The following GALNT17 variants were observed in gnomAD, a reference collection of about 807,000 sequenced individuals.
GALNT17 encodes the protein UDP-GalNAc:polypeptide N-acetylgalactosaminyltransferase-like 3.
In GALNT17, 29 loss-of-function variants were observed where a neutral mutation model predicts 63.7. That is an observed-to-expected ratio of 0.46 (90% CI 0.34 to 0.62). The LOEUF (loss-of-function observed/expected upper bound fraction) is 0.62, where lower values mean the gene tolerates loss of function less well. Among genes scored for constraint, GALNT17 ranks in the 20% least tolerant of loss-of-function variants. The pLI is 0.01. For missense variants in GALNT17, 603 were observed against 799.6 expected (o/e 0.75, Z 2.97); for synonymous variants, 305 against 318.3 (o/e 0.96, Z 0.45).
chr7:71,162,139 T>TCCTCCCTCCCTC lies in GALNT17; in HGVS notation c.238+29102_238+29103insCCCTCCCTCCCT, dbSNP rs1562875762. On this transcript the variant is annotated intron_variant, in intron 1 of 10. Coordinates refer to ENST00000333538, the MANE Select transcript of GALNT17 (RefSeq NM_022479.3). ...TCCCTCCCTCCCTTCCTTCCTTCCT[T>TCCTCCCTCCCTC]CCTTCCTTCCTTCCTTCCTTCCTTC... Among the ~76,000 whole-genome samples the TCCTCCCTCCCTC allele has an allele frequency of 3.2e-3, 426 of 131,374 alleles. 17 individuals are homozygous for TCCTCCCTCCCTC. Among genetic ancestry groups the TCCTCCCTCCCTC allele is most frequent in the African/African-American group, 0.012 (408 of 32,942 alleles). 86.2% of individuals were successfully genotyped at this position (131,374 alleles called of 152,430 possible). A position where few individuals can be genotyped will look rare whatever the true frequency, so the allele number is the denominator to read the frequency against.
At chr7:71,626,617 A>C (rs1790380410) in intron 6 of GALNT17, among the ~76,000 whole-genome samples, 1 of 152,360 alleles carries the variant, frequency 6.6e-6, no homozygotes, top group South Asian at 2.1e-4. Context: ...TTCTTCTGGA[A>C]GAATACACCA....
intron 1 of GALNT17, among the ~76,000 whole-genome samples, chr7:71,198,197 C>CAAA (rs755388218): frequency 6.5e-5 from 5 of 77,062 alleles, no homozygotes; most frequent in Admixed American, 2.8e-4. Context: ...GACTCTGTCT[C>CAAA]AAAAAAAAAA....
chr7:71,608,473 A>C (rs1248324488), intron 6 of GALNT17, among the ~76,000 whole-genome samples: 2 of 152,158 alleles, frequency 1.3e-5, no homozygotes, highest in African/African-American at 4.8e-5. Context: ...AATAAAATGA[A>C]AAGTGTTACA....
chr7:71,276,645 A>G (rs1790687129), intron 1 of GALNT17, among the ~76,000 whole-genome samples: 1 of 152,104 alleles, frequency 6.6e-6, no homozygotes, highest in Non-Finnish European at 1.5e-5. Flanking sequence ...TTCTTCCATG[A>G]TTGTGAGGCC....
At chr7:71,320,693 G>C (rs2116000129) in intron 1 of GALNT17, among the ~76,000 whole-genome samples, 1 of 152,286 alleles carries the variant, frequency 6.6e-6, no homozygotes, top group South Asian at 2.1e-4. Context: ...TATTGTTTCA[G>C]ATTCTATAAA....
chr7:71,560,716 C>A (rs1466066776), intron 5 of GALNT17, among the ~76,000 whole-genome samples: 3 of 152,120 alleles, frequency 2.0e-5, no homozygotes, highest in Admixed American at 2.0e-4. Flanking sequence ...GGAGGTCTGT[C>A]AGGAGGCGGT....
intron 5 of GALNT17, among the ~76,000 whole-genome samples, chr7:71,541,947 A>G (rs1788899967): frequency 6.6e-6 from 1 of 152,226 alleles, no homozygotes; most frequent in South Asian, 2.1e-4. Context: ...TTTAAGCAGA[A>G]CAGTTGCTGA....
intron 9 of GALNT17, among the ~76,000 whole-genome samples, chr7:71,700,893 C>A (rs557385034): frequency 6.6e-6 from 1 of 152,318 alleles, no homozygotes; most frequent in South Asian, 2.1e-4. Flanking sequence ...CGAAAGCAAG[C>A]ACTGTGTCAT....
chr7:71,656,191 G>A (rs1246244297), intron 6 of GALNT17, among the ~76,000 whole-genome samples: 1 of 152,198 alleles, frequency 6.6e-6, no homozygotes, highest in Non-Finnish European at 1.5e-5. Context: ...GCCTAGTAAA[G>A]AAGGGAGAAA....
Position 71,359,591 on chromosome 7 carries a change from A to ATT in GALNT17, c.422+23871_422+23872dup, listed in dbSNP as rs34744394. Among the ~76,000 whole-genome samples, 45 of 146,238 alleles carry ATT rather than the reference A, an allele frequency of 3.1e-4. No homozygotes were observed. In the Middle Eastern group the frequency reaches 0.011, roughly 35 times the overall value. On this transcript the variant is annotated intron_variant, in intron 2 of 10. Transcript: ENST00000333538. ...GCATATAACTACTGCAGTGGGTATA[A>ATT]TTTTTTTTTTTTTTAGACAGATCTT...
At chr7:71,581,447 A>G (rs1789633700) in intron 6 of GALNT17, among the ~76,000 whole-genome samples, 1 of 152,164 alleles carries the variant, frequency 6.6e-6, no homozygotes, top group Non-Finnish European at 1.5e-5. Context: ...GCTGTGAGCC[A>G]CTGCGCCCGG....
At chr7:71,570,042 G>A (rs1003614035) in intron 5 of GALNT17, among the ~76,000 whole-genome samples, 8 of 151,138 alleles carry the variant, frequency 5.3e-5, no homozygotes, top group African/African-American at 1.5e-4. Context: ...CCAACATCTG[G>A]TGGGTTTTGT....
chr7:71,227,410 G>T (rs1471821693), intron 1 of GALNT17, among the ~76,000 whole-genome samples: 1 of 151,834 alleles, frequency 6.6e-6, no homozygotes, highest in Non-Finnish European at 1.5e-5. Flanking sequence ...GAACCCAGAG[G>T]TTGAGATGTG....
chr7:71,615,875 G>A lies in GALNT17; in HGVS notation c.1080+44473G>A, dbSNP rs896764982. 4.6e-5 allele frequency among the ~76,000 whole-genome samples: 7 copies of A among 152,090 alleles called. No individual in the cohort carries two copies. In the South Asian group the frequency reaches 6.2e-4, roughly 14 times the overall value. On this transcript the variant is annotated intron_variant, in intron 6 of 10. Transcript: ENST00000333538. ...ATGAGAAGAGGCTTAGCCTCCACTC[G>A]GCTTGACAGGAGGAAAGGAAGGAGC...
intron 6 of GALNT17, among the ~76,000 whole-genome samples, chr7:71,579,847 T>C (rs976286614): frequency 6.6e-6 from 1 of 151,082 alleles, no homozygotes; most frequent in African/African-American, 2.4e-5. Flanking sequence ...GGTAGACAAA[T>C]AGATAGGTAG....
Position 71,581,037 on chromosome 7 carries a change from A to G in GALNT17, c.1080+9635A>G, listed in dbSNP as rs369097481. The stretch of plus-strand genomic sequence containing the variant: ...ACAGTTAATTGATTCACAGTTGTGC[A>G]TGGCTGGGGAGGCCTCAGGAAACGT... On this transcript the variant is annotated intron_variant, in intron 6 of 10. Transcript: ENST00000333538. 1.4e-3 allele frequency among the ~76,000 whole-genome samples: 211 copies of G among 152,300 alleles called. 1 individual carries two copies. The South Asian group carries it at 0.028, about 20-fold the overall frequency.
chr7:71,613,861 A>G (rs566199375), intron 6 of GALNT17, among the ~76,000 whole-genome samples: 4 of 151,194 alleles, frequency 2.6e-5, no homozygotes, highest in Non-Finnish European at 5.9e-5. Context: ...CTGAGGCAAA[A>G]GGATCACTTG....
intron 5 of GALNT17, among the ~76,000 whole-genome samples, chr7:71,509,133 C>T (rs945399009): frequency 6.6e-6 from 1 of 152,186 alleles, no homozygotes; most frequent in African/African-American, 2.4e-5. Context: ...TTCGAGTACC[C>T]ATCCAACCAT....
At chr7:71,528,946 C>T (rs1788670562) in intron 5 of GALNT17, among the ~76,000 whole-genome samples, 1 of 152,004 alleles carries the variant, frequency 6.6e-6, no homozygotes, top group Admixed American at 6.6e-5. Context: ...ACCAACCTGG[C>T]CAACATGGTG....
Sources: allele counts gnomAD v4.1 joint callset (sites outside exome capture counted in the v4.1 genomes callset), GRCh38; gene constraint gnomAD v4.1.1; transcripts MANE v1.5; gene names NCBI Gene and HGNC (gene_info 2026-07-23, HGNC 2026-07-21).